Variants in SORCS1 observed in about 807,000 individuals in gnomAD.
SORCS1 encodes VPS10 domain-containing receptor SorCS1.
A neutral mutation model predicts 146.1 loss-of-function variants in SORCS1; 60 were observed. The observed-to-expected ratio is 0.41, with a 90% CI of 0.33 to 0.51. The LOEUF (loss-of-function observed/expected upper bound fraction) is 0.51. Ranked by LOEUF, SORCS1 falls within the 20% of genes least tolerant of loss-of-function variation. SORCS1 has a pLI of 0.21. For missense variants in SORCS1, 1,352 were observed against 1,487.6 expected (o/e 0.91, Z 1.50); for synonymous variants, 637 against 584.0 (o/e 1.09, Z -1.31).
chr10:107,085,246 A>G (rs1963672277), intron 1 of SORCS1, among the ~76,000 whole-genome samples: 1 of 152,200 alleles, frequency 6.6e-6, no homozygotes, highest in Non-Finnish European at 1.5e-5. Context: ...TGAAAACTAC[A>G]TTGCCTTTTT....
intron 1 of SORCS1, among the ~76,000 whole-genome samples, chr10:107,087,912 T>TTTTA (rs774795772): frequency 3.9e-4 from 60 of 152,256 alleles, no homozygotes; most frequent in African/African-American, 8.4e-4. Context: ...GCTGAATTTA[T>TTTTA]TTTATTTATT....
intron 1 of SORCS1, among the ~76,000 whole-genome samples, chr10:107,064,044 T>C (rs1050141442): frequency 1.3e-5 from 2 of 152,228 alleles, no homozygotes; most frequent in African/African-American, 2.4e-5. Context: ...TATACCCCTA[T>C]TCTATCCCCA....
intron 3 of SORCS1, among the ~76,000 whole-genome samples, chr10:106,791,804 C>T (rs1286406691): frequency 3.3e-5 from 5 of 152,176 alleles, no homozygotes; most frequent in Non-Finnish European, 7.3e-5. Context: ...TATCGCAACA[C>T]TAGGTTTTGT....
intron 6 of SORCS1, among the ~76,000 whole-genome samples, chr10:106,715,457 G>A (rs1208105285): frequency 6.6e-6 from 1 of 152,196 alleles, no homozygotes; most frequent in Non-Finnish European, 1.5e-5. Context: ...GGTAGGCTTT[G>A]AACAGAGGAT....
chr10:106,814,084 G>T (rs1013358546), intron 3 of SORCS1, among the ~76,000 whole-genome samples: 1 of 152,132 alleles, frequency 6.6e-6, no homozygotes, highest in Non-Finnish European at 1.5e-5. Flanking sequence ...CTAGAAACCA[G>T]TACTGAGACC....
intron 9 of SORCS1, among the ~76,000 whole-genome samples, chr10:106,692,369 G>GTT (rs770739341): frequency 2.0e-5 from 3 of 151,866 alleles, no homozygotes; most frequent in Admixed American, 6.6e-5. Flanking sequence ...GCCAGCCCCT[G>GTT]TTTTTTTTCC....
At chr10:107,052,187 T>C (rs1024275592) in intron 1 of SORCS1, among the ~76,000 whole-genome samples, 1 of 152,140 alleles carries the variant, frequency 6.6e-6, no homozygotes, top group African/African-American at 2.4e-5. Flanking sequence ...GTTCTGGACT[T>C]CCCTGTGGAG....
intron 5 of SORCS1, among the ~76,000 whole-genome samples, chr10:106,758,547 G>A (rs1179544897): frequency 2.0e-5 from 3 of 152,070 alleles, no homozygotes; most frequent in East Asian, 3.9e-4. Flanking sequence ...TAAACTAGGG[G>A]GACAACATTC....
At chr10:106,978,201 T>G (rs926778172) in intron 1 of SORCS1, among the ~76,000 whole-genome samples, 35 of 152,064 alleles carry the variant, frequency 2.3e-4, no homozygotes, top group Non-Finnish European at 1.3e-4. Flanking sequence ...CACCTCGGCC[T>G]CCCACAGTGC....
intron 24 of SORCS1, among the ~76,000 whole-genome samples, chr10:106,595,283 G>A (rs182342598): frequency 3.9e-5 from 6 of 152,322 alleles, no homozygotes; most frequent in East Asian, 1.9e-4. Context: ...TTGGCCCAGC[G>A]TAGGCAGGCA....
At chr10:107,056,949 G>A (rs1000886615) in intron 1 of SORCS1, among the ~76,000 whole-genome samples, 9 of 152,140 alleles carry the variant, frequency 5.9e-5, no homozygotes, top group Admixed American at 4.6e-4. Context: ...CCCTTTCAGC[G>A]TGCCCTGGAT....
At chr10:106,621,718 C>T (rs1243783064) in intron 19 of SORCS1, among the ~76,000 whole-genome samples, 1 of 151,986 alleles carries the variant, frequency 6.6e-6, no homozygotes, top group Non-Finnish European at 1.5e-5. Flanking sequence ...CAGGAGCCCA[C>T]TCCAGAAACA....
chr10:106,742,259 T>C (rs1257778132), intron 5 of SORCS1, among the ~76,000 whole-genome samples: 1 of 152,244 alleles, frequency 6.6e-6, no homozygotes, highest in Non-Finnish European at 1.5e-5. Flanking sequence ...TTGGATTTTA[T>C]TTTTCAGATT....
chr10:106,667,700 G>A lies in SORCS1; in HGVS notation c.2292C>T (p.Leu764=). The A allele has an allele frequency of 6.2e-7, 1 of 1,613,588 alleles. No individual in the cohort carries two copies. The highest frequency in any genetic ancestry group is 1.1e-5 in the South Asian group (1 of 90,944). ...SKDCSLGQSY[L]NSTGYRKVVS... is the part of the protein sequence containing the mutation. ...CTCCAGACACTTACCCAGTACTATT[G>A]AGGTAACTCTGTCCCAAGCTGCAAT... The change falls in exon 17 of 26, where the codon CTC becomes CTT. Residue 764 remains leucine (L), a synonymous_variant. Coordinates refer to ENST00000263054, the MANE Select transcript of SORCS1 (RefSeq NM_052918.5).
At chr10:106,693,300 C>G (rs1853439003) in intron 9 of SORCS1, among the ~76,000 whole-genome samples, 1 of 152,148 alleles carries the variant, frequency 6.6e-6, no homozygotes, top group Non-Finnish European at 1.5e-5. Context: ...AACTGAAATT[C>G]AGATGTGGCT....
chr10:106,732,979 TG>T (rs34259721), intron 5 of SORCS1, among the ~76,000 whole-genome samples: 2,315 of 151,116 alleles, frequency 0.015, 64 homozygotes, highest in African/African-American at 0.054. Flanking sequence ...ATTAGCTGGG[TG>T]TGGTGGTGTG....
intron 1 of SORCS1, among the ~76,000 whole-genome samples, chr10:107,131,488 C>G (rs550384965): frequency 1.3e-3 from 202 of 152,204 alleles, no homozygotes; most frequent in African/African-American, 4.4e-3. Context: ...TTTGGGAGGC[C>G]AAGGTGGGTG....
At chr10:106,836,318 C>CA (rs1787700565) in intron 2 of SORCS1, among the ~76,000 whole-genome samples, 1 of 151,528 alleles carries the variant, frequency 6.6e-6, no homozygotes, top group Admixed American at 6.6e-5. Context: ...ACTAAAAATA[C>CA]AAAAAATTAG....
At chr10:106,905,413 AAATAT>A (rs1201075111) in intron 2 of SORCS1, among the ~76,000 whole-genome samples, 2 of 152,196 alleles carry the variant, frequency 1.3e-5, no homozygotes. Context: ...GATATTGCCA[AAATAT>A]AATAAAGAAA....
Sources: allele counts gnomAD v4.1 joint callset (sites outside exome capture counted in the v4.1 genomes callset), GRCh38; gene constraint gnomAD v4.1.1; transcripts MANE v1.5; gene names NCBI Gene and HGNC (gene_info 2026-07-23, HGNC 2026-07-21).